The following RXYLT1 variants were observed in gnomAD, a reference collection of about 807,000 sequenced individuals.
RXYLT1 encodes the protein ribitol xylosyltransferase 1, also known as ribitol-5-phosphate xylosyltransferase 1.
A neutral mutation model predicts 43.5 loss-of-function variants in RXYLT1; 41 were observed. The ratio of observed to expected loss-of-function variants is 0.94; its 90% confidence interval spans 0.73 to 1.22. The LOEUF is 1.22. Among genes scored for constraint, RXYLT1 ranks in the 50% most tolerant of loss-of-function variants. RXYLT1 has a pLI of 0.00. For missense variants in RXYLT1, 514 were observed against 532.0 expected (o/e 0.97, Z 0.33); for synonymous variants, 166 against 194.4 (o/e 0.85, Z 1.21).
In RXYLT1 at chr12:63,779,975, G is replaced by A. The variant is rs747769300; in HGVS notation, c.15G>A (p.Arg5=). 372 of 1,610,662 alleles carry A rather than the reference G, an allele frequency of 2.3e-4. 2 individuals are homozygous for A. In the East Asian group the frequency reaches 8.3e-3, roughly 36 times the overall value. ...GCCCGAGTGGGATGCGGCTGACGCG[G>A]AAGCGGCTCTGCTCGTTTCTTATCG... MRLT[R]KRLCSFLIAL... Residue 5 remains arginine (R), a synonymous_variant, in exon 1 of 6, where the codon CGG becomes CGA. Coordinates refer to ENST00000261234, the MANE Select transcript of RXYLT1 (RefSeq NM_014254.3).
In RXYLT1 at chr12:63,801,420, TTG is replaced by T. The variant is rs1233079442; in HGVS notation, c.429-670_429-669del. 1.3e-4 allele frequency among the ~76,000 whole-genome samples: 20 copies of T among 152,350 alleles called. 1 individual carries two copies. The highest frequency in any genetic ancestry group is 4.8e-4 in the African/African-American group (20 of 41,582). The stretch of plus-strand genomic sequence containing the variant: ...TACTGACTTTAAATGCCTTTCTGGT[TTG>T]AACTAAACCATTATTTTACAGAGTT... On this transcript the variant is annotated intron_variant, in intron 3 of 5. Transcript: ENST00000261234.
chr12:63,803,878 A>G (rs994479960), intron 4 of RXYLT1: 1 of 139,140 alleles, frequency 7.2e-6, no homozygotes, highest in African/African-American at 2.7e-5. Context: ...TTTTGAGACG[A>G]AGTCTTGCTC....
chr12:63,787,863 C>T (rs576801276), intron 3 of RXYLT1, among the ~76,000 whole-genome samples: 1 of 152,272 alleles, frequency 6.6e-6, no homozygotes, highest in Non-Finnish European at 1.5e-5. Flanking sequence ...CTCCTGTCCC[C>T]AAGTGATCCA....
At chr12:63,796,817 A>G (rs1005005522) in intron 3 of RXYLT1, among the ~76,000 whole-genome samples, 1 of 152,062 alleles carries the variant, frequency 6.6e-6, no homozygotes, top group African/African-American at 2.4e-5. Flanking sequence ...TGCAATCCCA[A>G]TAAGACTTTA....
rs58996292 is a variant in RXYLT1 at position 63,783,460 on chromosome 12, C to CA, written c.326-1498dup. On this transcript the variant is annotated intron_variant, in intron 2 of 5. Transcript: ENST00000261234. The stretch of plus-strand genomic sequence containing the variant: ...TGGGCGACAGAGCGAGACTCTGTCT[C>CA]AAAAAAAAAAAACATTGCATATTCT... Among the ~76,000 whole-genome samples the CA allele has an allele frequency of 7.3e-3, 980 of 133,870 alleles. 6 individuals are homozygous for CA. Among genetic ancestry groups the CA allele is most frequent in the Middle Eastern group, 0.023 (6 of 260 alleles). The allele number at this position is 133,870 out of a possible 152,430, so 87.8% of individuals were successfully genotyped here. A position where few individuals can be genotyped will look rare whatever the true frequency, so the allele number is the denominator to read the frequency against.
At chr12:63,789,462 A>G (rs956234129) in intron 3 of RXYLT1, among the ~76,000 whole-genome samples, 1 of 152,202 alleles carries the variant, frequency 6.6e-6, no homozygotes, top group Non-Finnish European at 1.5e-5. Context: ...GCTACAGTTC[A>G]AGATGAGATT....
chr12:63,806,231 A>G (rs1898288423), intron 5 of RXYLT1: 1 of 152,258 alleles, frequency 6.6e-6, no homozygotes, highest in Non-Finnish European at 1.5e-5. Flanking sequence ...TAAATACAGC[A>G]GTGAACAAAA....
chr12:63,785,064 A>G lies in RXYLT1; in HGVS notation c.420A>G (p.Thr140=). 1 of 1,613,232 alleles carries G rather than the reference A, an allele frequency of 6.2e-7. No homozygotes were observed. The highest frequency in any genetic ancestry group is 8.5e-7 in the Non-Finnish European group (1 of 1,179,310). Reference sequence around the variant, plus strand: ...AAGGAAAGTCAATCGTAGGAAGAACACAGTACAGGTATTGGTTGTATTAGT... The same window carrying G: ...AAGGAAAGTCAATCGTAGGAAGAACGCAGTACAGGTATTGGTTGTATTAGT... ...WREGKSIVGR[T]QYSFITGPAV... Residue 140 remains threonine (T), a synonymous_variant, in exon 3 of 6, where the codon ACA becomes ACG. Coordinates refer to ENST00000261234, the MANE Select transcript of RXYLT1 (RefSeq NM_014254.3).
chr12:63,802,654 G>A (rs543832468), intron 4 of RXYLT1, among the ~76,000 whole-genome samples: 2 of 152,016 alleles, frequency 1.3e-5, no homozygotes, highest in African/African-American at 4.8e-5. Context: ...GGCATAGAAT[G>A]GATTTTTCAA....
chr12:63,794,879 A>G (rs1197498421), intron 3 of RXYLT1, among the ~76,000 whole-genome samples: 1 of 152,230 alleles, frequency 6.6e-6, no homozygotes, highest in Non-Finnish European at 1.5e-5. Context: ...TTGTCAGCAA[A>G]ATATGTGAAA....
intron 3 of RXYLT1, chr12:63,795,839 T>C (rs1190682691): frequency 6.6e-6 from 1 of 152,180 alleles, no homozygotes; most frequent in Non-Finnish European, 1.5e-5. Context: ...ATTATTGTTT[T>C]TTAATATTTT....
At chr12:63,799,084 A>G (rs891332095) in intron 3 of RXYLT1, among the ~76,000 whole-genome samples, 3 of 152,114 alleles carry the variant, frequency 2.0e-5, no homozygotes, top group Non-Finnish European at 4.4e-5. Flanking sequence ...TATTGACCCC[A>G]TGGCTTTCAC....
At position 63,808,735 on chromosome 12, in the gene RXYLT1, T is replaced by C; in HGVS notation, c.975T>C (p.Ser325=). Residue 325 remains serine, a synonymous_variant, in exon 6 of 6, where the codon AGT becomes AGC. Coordinates refer to ENST00000261234, the MANE Select transcript of RXYLT1 (RefSeq NM_014254.3). ...ATTACCAAGATGCCTTGCTTCAGAG[T>C]GATCTCACATTGTGCCCGGTCGGAG... ...LKNYQDALLQ[S]DLTLCPVGVN... is the part of the protein sequence containing the mutation. 1.2e-6 allele frequency: 2 copies of C among 1,610,480 alleles called. No homozygotes were observed.
intron 1 of RXYLT1, 81 bp from the exon 2 acceptor site, chr12:63,780,934 GAACT>G (rs1340512617): frequency 6.9e-6 from 8 of 1,163,000 alleles, no homozygotes; most frequent in Admixed American, 6.0e-5. Flanking sequence ...GATGAAATTA[GAACT>G]AACACTTAAT....
chr12:63,802,875 T>C (rs939414620), intron 4 of RXYLT1, among the ~76,000 whole-genome samples: 5 of 151,966 alleles, frequency 3.3e-5, no homozygotes, highest in African/African-American at 1.2e-4. Flanking sequence ...TTTCTCAAGA[T>C]ACAGTCTTTT....
At chr12:63,783,174 G>A (rs1003697003) in intron 2 of RXYLT1, among the ~76,000 whole-genome samples, 1 of 152,050 alleles carries the variant, frequency 6.6e-6, no homozygotes, top group African/African-American at 2.4e-5. Flanking sequence ...TCTTTAATAC[G>A]CATATTCTAG....
At chr12:63,798,695 G>T (rs1898088098) in intron 3 of RXYLT1, among the ~76,000 whole-genome samples, 1 of 152,156 alleles carries the variant, frequency 6.6e-6, no homozygotes, top group Admixed American at 6.5e-5. Flanking sequence ...TCAGGACTTT[G>T]TGAAGCTGGG....
chr12:63,804,616 C>T (rs562994268), intron 4 of RXYLT1: 2 of 152,180 alleles, frequency 1.3e-5, no homozygotes, highest in African/African-American at 4.8e-5. Flanking sequence ...ACGTAGAATG[C>T]TTAAATCAGA....
chr12:63,789,643 G>A (rs1383498869), intron 3 of RXYLT1, among the ~76,000 whole-genome samples: 1 of 152,164 alleles, frequency 6.6e-6, no homozygotes, highest in East Asian at 1.9e-4. Context: ...AGGTGTGCTG[G>A]TATTATGGCC....
Sources: gnomAD v4.1 joint callset for allele counts (sites outside exome capture counted in the v4.1 genomes callset) on GRCh38, gnomAD v4.1.1 for gene constraint, MANE v1.5 for transcripts, NCBI Gene and HGNC (gene_info 2026-07-23, HGNC 2026-07-21) for gene names.